CLVS1: variants seen among roughly 807,000 people sequenced by gnomAD.
CLVS1 encodes the protein clavesin-1.
In CLVS1, 10 loss-of-function variants were observed where a neutral mutation model predicts 33.1. The ratio of observed to expected loss-of-function variants is 0.30; its 90% confidence interval spans 0.19 to 0.51. CLVS1 has a LOEUF of 0.51. Among genes scored for constraint, CLVS1 ranks in the 20% least tolerant of loss-of-function variants. CLVS1 has a pLI of 0.97. For missense variants in CLVS1, 343 were observed against 433.4 expected (o/e 0.79, Z 1.85); for synonymous variants, 163 against 166.1 (o/e 0.98, Z 0.14).
intron 2 of CLVS1, among the ~76,000 whole-genome samples, chr8:61,132,864 G>A (rs1393867364): frequency 6.6e-6 from 1 of 152,188 alleles, no homozygotes; most frequent in East Asian, 1.9e-4. Flanking sequence ...TTAGTGGAGG[G>A]GGCATTTGGT....
intron 2 of CLVS1, among the ~76,000 whole-genome samples, chr8:61,353,731 A>C (rs186325711): frequency 1.3e-5 from 2 of 150,024 alleles, no homozygotes; most frequent in Admixed American, 1.3e-4. Context: ...TAAAAAAAAA[A>C]ATAAAGAAAG....
At chr8:61,271,555 A>G (rs1809438385) in intron 2 of CLVS1, among the ~76,000 whole-genome samples, 1 of 143,660 alleles carries the variant, frequency 7.0e-6, no homozygotes, top group Non-Finnish European at 1.5e-5. Flanking sequence ...GCTGAGTTCA[A>G]TTCCTGGGTA....
At chr8:61,411,347 C>G (rs1282821768) in intron 3 of CLVS1, among the ~76,000 whole-genome samples, 1 of 152,138 alleles carries the variant, frequency 6.6e-6, no homozygotes, top group Non-Finnish European at 1.5e-5. Context: ...ACAGGTAAGC[C>G]CCTGACAGCT....
chr8:61,093,528 A>C (rs954603081), intron 1 of CLVS1, among the ~76,000 whole-genome samples: 2 of 152,232 alleles, frequency 1.3e-5, no homozygotes, highest in Non-Finnish European at 2.9e-5. Flanking sequence ...TTCTGCAGAA[A>C]TTTACAGCAA....
upstream of CLVS1, among the ~76,000 whole-genome samples, chr8:61,286,819 C>G (rs1225649042): frequency 6.6e-6 from 1 of 152,084 alleles, no homozygotes; most frequent in African/African-American, 2.4e-5. Flanking sequence ...GTTATCTTGG[C>G]AAAAAGAAAA....
chr8:61,077,112 C>T (rs1015326233), intron 1 of CLVS1, among the ~76,000 whole-genome samples: 3 of 151,950 alleles, frequency 2.0e-5, no homozygotes, highest in African/African-American at 7.3e-5. Flanking sequence ...CTTGCTTTGT[C>T]GCCCATGCTG....
intron 2 of CLVS1, among the ~76,000 whole-genome samples, chr8:61,237,963 T>C (rs1040100897): frequency 6.6e-6 from 1 of 152,290 alleles, no homozygotes; most frequent in East Asian, 1.9e-4. Context: ...CTGTGAATAC[T>C]GAGGCATCCA....
chr8:61,060,052 C>G (rs138284954), intron 1 of CLVS1, among the ~76,000 whole-genome samples: 1 of 152,090 alleles, frequency 6.6e-6, no homozygotes, highest in South Asian at 2.1e-4. Context: ...CCGGAATGAC[C>G]TTGGCAGTAG....
At chr8:61,222,258 T>C (rs903222108) in intron 2 of CLVS1, among the ~76,000 whole-genome samples, 1 of 152,174 alleles carries the variant, frequency 6.6e-6, no homozygotes, top group African/African-American at 2.4e-5. Flanking sequence ...TCTCTAGTTT[T>C]TTTAATTGTG....
At chr8:61,225,175 G>A (rs544825645) in intron 2 of CLVS1, among the ~76,000 whole-genome samples, 11 of 152,078 alleles carry the variant, frequency 7.2e-5, no homozygotes, top group African/African-American at 2.7e-4. Flanking sequence ...AAATTAGCCT[G>A]GGTATGATGT....
the CLVS1 span, among the ~76,000 whole-genome samples, chr8:61,011,562 C>T: frequency 8.5e-5 from 13 of 152,252 alleles, no homozygotes; most frequent in South Asian, 1.2e-3. Context: ...GATTCCCCTG[C>T]CTCAGCCTCT....
chr8:61,430,540 A>T (rs557683536), intron 3 of CLVS1, among the ~76,000 whole-genome samples: 1 of 152,052 alleles, frequency 6.6e-6, no homozygotes, highest in Admixed American at 6.5e-5. Context: ...GAAAAGCAAT[A>T]TTTTCTGCAC....
intron 2 of CLVS1, among the ~76,000 whole-genome samples, chr8:61,309,791 G>T (rs1280069062): frequency 6.6e-6 from 1 of 152,212 alleles, no homozygotes; most frequent in Non-Finnish European, 1.5e-5. Context: ...TTTGGCAGTG[G>T]GAGATGAGCA....
intron 3 of CLVS1, among the ~76,000 whole-genome samples, chr8:61,426,650 C>T (rs754371118): frequency 7.2e-5 from 11 of 152,168 alleles, no homozygotes; most frequent in Non-Finnish European, 1.2e-4. Flanking sequence ...GTCCTAGTAC[C>T]GTCTACCACT....
At chr8:61,485,024 A>T (rs1369075178) in intron 5 of CLVS1, among the ~76,000 whole-genome samples, 3 of 152,238 alleles carry the variant, frequency 2.0e-5, no homozygotes, top group African/African-American at 7.2e-5. Context: ...CATTCAGGAC[A>T]TAGGCATGGG....
intron 2 of CLVS1, among the ~76,000 whole-genome samples, chr8:61,311,042 A>G (rs1256654123): frequency 6.6e-6 from 1 of 152,206 alleles, no homozygotes. Context: ...ACAGGCAGAT[A>G]GTCATTTCCT....
At chr8:61,404,600 G>A (rs934233280) in intron 3 of CLVS1, among the ~76,000 whole-genome samples, 1 of 152,162 alleles carries the variant, frequency 6.6e-6, no homozygotes, top group African/African-American at 2.4e-5. Context: ...AAGACGCAAA[G>A]CCCCTTAAAG....
chr8:61,223,495 G>A (rs756785248), intron 2 of CLVS1, among the ~76,000 whole-genome samples: 17 of 152,128 alleles, frequency 1.1e-4, no homozygotes, highest in African/African-American at 2.4e-4. Context: ...TAAGAATGTC[G>A]AATATTGGCC....
At chr8:61,154,203 C>CT (rs965849266) in intron 2 of CLVS1, among the ~76,000 whole-genome samples, 1 of 150,980 alleles carries the variant, frequency 6.6e-6, no homozygotes, top group African/African-American at 2.4e-5. Flanking sequence ...ACCCAAGATG[C>CT]TTTTTTTGTT....
Sources: gnomAD v4.1 joint callset for allele counts (sites outside exome capture counted in the v4.1 genomes callset) on GRCh38, gnomAD v4.1.1 for gene constraint, MANE v1.5 for transcripts, NCBI Gene and HGNC (gene_info 2026-07-23, HGNC 2026-07-21) for gene names.